Variants in GRID2 observed in about 807,000 individuals in gnomAD.
GRID2 encodes glutamate receptor ionotropic, delta-2.
Under a neutral mutation model 114.8 loss-of-function variants are expected in GRID2, and 33 were observed. That is an observed-to-expected ratio of 0.29 (90% CI 0.22 to 0.38). GRID2 has a LOEUF of 0.38. GRID2 is among the 10% of genes least tolerant of loss of function. The pLI is 1.00. For synonymous variants in GRID2, 505 were observed against 449.9 expected (o/e 1.12, Z -1.55); for missense variants, 1,184 against 1,257.7 (o/e 0.94, Z 0.89).
At chr4:93,552,952 A>G (rs1733928289) in intron 13 of GRID2, among the ~76,000 whole-genome samples, 2 of 152,090 alleles carry the variant, frequency 1.3e-5, no homozygotes, top group Non-Finnish European at 2.9e-5. Flanking sequence ...GTCCCTGCAA[A>G]GGACATGAAC....
chr4:92,786,864 T>C (rs1739348915), intron 2 of GRID2, among the ~76,000 whole-genome samples: 1 of 151,816 alleles, frequency 6.6e-6, no homozygotes, highest in African/African-American at 2.4e-5. Flanking sequence ...GAAAGCTCAA[T>C]TAAATAGATT....
intron 2 of GRID2, among the ~76,000 whole-genome samples, chr4:92,989,939 G>T (rs917748838): frequency 6.6e-6 from 1 of 152,126 alleles, no homozygotes; most frequent in East Asian, 1.9e-4. Flanking sequence ...ACTTTATTAA[G>T]AACTAGGCAT....
intron 2 of GRID2, among the ~76,000 whole-genome samples, chr4:92,721,093 C>A (rs1486513183): frequency 6.6e-6 from 1 of 151,938 alleles, no homozygotes; most frequent in Non-Finnish European, 1.5e-5. Flanking sequence ...ATATGAGACA[C>A]CTAGACTAGT....
At chr4:92,316,602 T>A (rs371469948) in intron 1 of GRID2, among the ~76,000 whole-genome samples, 14 of 152,280 alleles carry the variant, frequency 9.2e-5, no homozygotes, top group African/African-American at 3.4e-4. Flanking sequence ...ACGTTTCATA[T>A]CCTTAGAACT....
intron 2 of GRID2, among the ~76,000 whole-genome samples, chr4:92,690,206 A>AC (rs200621893): frequency 0.011 from 1,664 of 152,096 alleles, 32 homozygotes; most frequent in African/African-American, 0.037. Context: ...AGTTTAAAAA[A>AC]AAAAAAGAAA....
intron 2 of GRID2, among the ~76,000 whole-genome samples, chr4:92,651,773 G>A (rs567949109): frequency 1.3e-5 from 2 of 152,190 alleles, no homozygotes; most frequent in East Asian, 3.9e-4. Flanking sequence ...CTGAAGTTCT[G>A]CCCATTGAGA....
intron 2 of GRID2, among the ~76,000 whole-genome samples, chr4:92,973,806 C>G (rs1006646558): frequency 6.6e-6 from 1 of 152,130 alleles, no homozygotes; most frequent in African/African-American, 2.4e-5. Context: ...AATACACCTT[C>G]TAGACACTTT....
chr4:92,832,463 G>T, intron 2 of GRID2, among the ~76,000 whole-genome samples: 1 of 151,716 alleles, frequency 6.6e-6, no homozygotes, highest in South Asian at 2.1e-4. Context: ...ACGCAATCTT[G>T]GCTCACCGCA....
chr4:93,299,734 G>A (rs1321028502), intron 8 of GRID2, among the ~76,000 whole-genome samples: 4 of 151,348 alleles, frequency 2.6e-5, no homozygotes, highest in Non-Finnish European at 5.9e-5. Context: ...ATTAAATCTG[G>A]ATTTCTTTAA....
chr4:93,781,768 ATGTC>A (rs1734485459), intron 1 of GRID2, among the ~76,000 whole-genome samples: 1 of 152,158 alleles, frequency 6.6e-6, no homozygotes, highest in African/African-American at 2.4e-5. Context: ...GACAAGAAAA[ATGTC>A]TGTACATGTT....
chr4:92,853,538 C>T (rs1359445503), intron 2 of GRID2, among the ~76,000 whole-genome samples: 1 of 151,900 alleles, frequency 6.6e-6, no homozygotes, highest in East Asian at 1.9e-4. Context: ...AATTTTGACT[C>T]CATAAAATAA....
intron 13 of GRID2, among the ~76,000 whole-genome samples, chr4:93,523,839 G>A (rs1730573540): frequency 6.6e-6 from 1 of 152,152 alleles, no homozygotes; most frequent in Non-Finnish European, 1.5e-5. Flanking sequence ...GGATGAAGCA[G>A]CTCTGCACCA....
chr4:93,782,458 TCAA>T (rs1004064882), intron 1 of GRID2, among the ~76,000 whole-genome samples: 22 of 152,202 alleles, frequency 1.4e-4, no homozygotes, highest in Admixed American at 1.4e-3. Flanking sequence ...CGAGTCTGCT[TCAA>T]CGTGAGAGTT....
At chr4:93,041,714 C>G (rs1300575585) in intron 2 of GRID2, among the ~76,000 whole-genome samples, 1 of 151,928 alleles carries the variant, frequency 6.6e-6, no homozygotes, top group East Asian at 1.9e-4. Flanking sequence ...GCTCAAAACT[C>G]CTGAAAAAAT....
intron 2 of GRID2, among the ~76,000 whole-genome samples, chr4:93,070,848 A>G (rs1012152313): frequency 6.6e-6 from 1 of 152,122 alleles, no homozygotes; most frequent in African/African-American, 2.4e-5. Flanking sequence ...TGTACTTGAT[A>G]TATCACTACT....
At chr4:92,975,134 G>A (rs1202836538) in intron 2 of GRID2, among the ~76,000 whole-genome samples, 3 of 96,162 alleles carry the variant, frequency 3.1e-5, no homozygotes, top group African/African-American at 1.5e-4. Context: ...TCCAGCCTGG[G>A]CGACAGAGTG....
chr4:92,708,400 G>T (rs1735055732), intron 2 of GRID2, among the ~76,000 whole-genome samples: 1 of 152,072 alleles, frequency 6.6e-6, no homozygotes, highest in Admixed American at 6.6e-5. Flanking sequence ...TTATTTCCTG[G>T]GGGATGGTAA....
At chr4:93,706,411 T>C (rs1466505402) in intron 14 of GRID2, among the ~76,000 whole-genome samples, 1 of 152,200 alleles carries the variant, frequency 6.6e-6, no homozygotes, top group Non-Finnish European at 1.5e-5. Context: ...TGTTTTATAG[T>C]TGTTTTACAG....
At chr4:92,713,590 C>T (rs1735387854) in intron 2 of GRID2, among the ~76,000 whole-genome samples, 1 of 146,190 alleles carries the variant, frequency 6.8e-6, no homozygotes, top group African/African-American at 2.5e-5. Context: ...TAAAGACATA[C>T]TTGACACTGG....
Sources: gnomAD v4.1 joint callset for allele counts (sites outside exome capture counted in the v4.1 genomes callset) on GRCh38, gnomAD v4.1.1 for gene constraint, MANE v1.5 for transcripts, NCBI Gene and HGNC (gene_info 2026-07-23, HGNC 2026-07-21) for gene names.